The following XPR1 variants were observed in gnomAD, a reference collection of about 807,000 sequenced individuals.
The protein encoded by XPR1 is solute carrier family 53 member 1.
XPR1 carries 28 observed loss-of-function variants against 87.5 expected under a neutral mutation model. The observed-to-expected ratio is 0.32, with a 90% CI of 0.24 to 0.44. The LOEUF is 0.44. Among genes scored for constraint, XPR1 ranks in the 20% least tolerant of loss-of-function variants. The pLI is 1.00. For synonymous variants in XPR1, 300 were observed against 306.1 expected (o/e 0.98, Z 0.21); for missense variants, 559 against 862.3 (o/e 0.65, Z 4.41).
chr1:180,696,268 A>G (rs554629334), intron 2 of XPR1, among the ~76,000 whole-genome samples: 10 of 138,482 alleles, frequency 7.2e-5, no homozygotes, highest in African/African-American at 2.7e-4. Context: ...CTTTCTTTTC[A>G]GTTCATTATT....
chr1:180,677,523 G>A (rs1336469176), intron 1 of XPR1, among the ~76,000 whole-genome samples: 1 of 152,120 alleles, frequency 6.6e-6, no homozygotes, highest in Non-Finnish European at 1.5e-5. Flanking sequence ...TGATCTGGGT[G>A]GTGCCAGCTC....
chr1:180,737,390 CTTTAT>C (rs1658761589), intron 2 of XPR1, among the ~76,000 whole-genome samples: 1 of 151,976 alleles, frequency 6.6e-6, no homozygotes, highest in Admixed American at 6.6e-5. Flanking sequence ...ATTTTCCCTT[CTTTAT>C]TTTATTTTCC....
intron 7 of XPR1, among the ~76,000 whole-genome samples, chr1:180,812,994 C>G (rs1444618431): frequency 6.6e-6 from 1 of 151,610 alleles, no homozygotes; most frequent in Non-Finnish European, 1.5e-5. Flanking sequence ...TGGACTCGGT[C>G]TCCTTGCATC....
chr1:180,883,902 A>T (rs1261440092), intron 14 of XPR1, 104 bp from the exon 15 acceptor site: 2 of 966,018 alleles, frequency 2.1e-6, no homozygotes, highest in Non-Finnish European at 3.2e-6. Context: ...CCTGTTTAGG[A>T]TGTATGTTTA....
chr1:180,723,123 C>T (rs1241785374), intron 2 of XPR1, among the ~76,000 whole-genome samples: 2 of 152,096 alleles, frequency 1.3e-5, no homozygotes, highest in Non-Finnish European at 2.9e-5. Context: ...CTGTCCTCCC[C>T]GTTTCGGCTT....
intron 12 of XPR1, among the ~76,000 whole-genome samples, chr1:180,865,344 G>A (rs968106115): frequency 2.0e-5 from 3 of 151,888 alleles, no homozygotes; most frequent in Middle Eastern, 3.2e-3. Flanking sequence ...CACCAAATAT[G>A]TGTGTTTTAT....
In XPR1 at chr1:180,885,964, G is replaced by C. The variant is rs1652995662; in HGVS notation, c.*1898G>C. The stretch of plus-strand genomic sequence containing the variant: ...AGCTTCCAAAATGTGTTCCCTTTTT[G>C]AATCGAGGTTTTTTTGTTTTGTTTT... On this transcript the variant is annotated 3_prime_UTR_variant, in exon 15 of 15. Transcript: ENST00000367590. 6.6e-6 allele frequency: 1 copy of C among 151,978 alleles called. No homozygotes were observed. The highest frequency in any genetic ancestry group is 2.1e-4 in the South Asian group (1 of 4,822). The allele number at this position is 151,978 out of a possible 1,614,324, so 9.4% of individuals were successfully genotyped here. A position where few individuals can be genotyped will look rare whatever the true frequency, so the allele number is the denominator to read the frequency against.
At chr1:180,766,380 G>A (rs1443004874) in intron 2 of XPR1, among the ~76,000 whole-genome samples, 1 of 152,066 alleles carries the variant, frequency 6.6e-6, no homozygotes, top group African/African-American at 2.4e-5. Context: ...ATGTCATTAA[G>A]GAAAGAAATG....
intron 11 of XPR1, among the ~76,000 whole-genome samples, chr1:180,855,581 C>G (rs528400470): frequency 1.3e-5 from 2 of 150,866 alleles, no homozygotes; most frequent in Non-Finnish European, 2.9e-5. Flanking sequence ...AGAAGAATCA[C>G]TTAACCCAGG....
chr1:180,718,090 T>C (rs1658058197), intron 2 of XPR1, among the ~76,000 whole-genome samples: 1 of 152,160 alleles, frequency 6.6e-6, no homozygotes, highest in Admixed American at 6.5e-5. Flanking sequence ...TAATGCTATG[T>C]ATTAAGTTTT....
intron 2 of XPR1, among the ~76,000 whole-genome samples, chr1:180,688,779 G>GCT (rs1180004238): frequency 6.6e-6 from 1 of 151,994 alleles, no homozygotes; most frequent in African/African-American, 2.4e-5. Flanking sequence ...CTTTTCTCAT[G>GCT]CTCCCCACTC....
chr1:180,747,257 A>T (rs1054838742), intron 2 of XPR1, among the ~76,000 whole-genome samples: 1 of 152,186 alleles, frequency 6.6e-6, no homozygotes, highest in Non-Finnish European at 1.5e-5. Context: ...TTAGCTTCAT[A>T]CGGTTATTGT....
At chr1:180,686,720 A>G (rs1278248316) in intron 2 of XPR1, among the ~76,000 whole-genome samples, 1 of 152,346 alleles carries the variant, frequency 6.6e-6, no homozygotes, top group East Asian at 1.9e-4. Context: ...ATAAGACACC[A>G]AATTCTATGA....
At chr1:180,659,915 T>G (rs188074960) in intron 1 of XPR1, among the ~76,000 whole-genome samples, 1 of 152,212 alleles carries the variant, frequency 6.6e-6, no homozygotes, top group East Asian at 1.9e-4. Context: ...CTTCCTCTAT[T>G]TTTTGGAGTA....
chr1:180,784,731 G>A (rs995495956), intron 2 of XPR1, among the ~76,000 whole-genome samples: 1 of 151,904 alleles, frequency 6.6e-6, no homozygotes, highest in South Asian at 2.1e-4. Context: ...CCCTATTGAT[G>A]TATAATTCAT....
intron 1 of XPR1, among the ~76,000 whole-genome samples, chr1:180,634,262 A>G (rs1654691922): frequency 6.6e-6 from 1 of 152,154 alleles, no homozygotes; most frequent in South Asian, 2.1e-4. Context: ...AAATTCGTTT[A>G]TTGTGGATAA....
rs116383067 is a variant in XPR1 at position 180,673,769 on chromosome 1, C to T, written c.70-8591C>T. 4.3e-3 allele frequency among the ~76,000 whole-genome samples: 650 copies of T among 152,330 alleles called. 10 individuals are homozygous for T. The highest frequency in any genetic ancestry group is 0.015 in the African/African-American group (629 of 41,568). On this transcript the variant is annotated intron_variant, in intron 1 of 14. Transcript: ENST00000367590. ...CCACCCTGGTCTTTGGAATAATTGTCTTCCGTGAAACTAGTCCCTGGAGCC... is the reference window on the plus strand; with the variant it reads ...CCACCCTGGTCTTTGGAATAATTGTTTTCCGTGAAACTAGTCCCTGGAGCC...
chr1:180,843,902 AG>A (rs368527010), intron 11 of XPR1, among the ~76,000 whole-genome samples: 3 of 152,164 alleles, frequency 2.0e-5, no homozygotes, highest in African/African-American at 7.2e-5. Flanking sequence ...AAATTGAGAG[AG>A]GATCTGTGGT....
chr1:180,632,453 C>G (rs1196856289), intron 1 of XPR1, among the ~76,000 whole-genome samples, 183 bp downstream of exon 1: 1 of 152,054 alleles, frequency 6.6e-6, no homozygotes, highest in Non-Finnish European at 1.5e-5. Context: ...GCTGTCCTTC[C>G]CCTCCCCCGC....
Sources: gnomAD v4.1 joint callset for allele counts (sites outside exome capture counted in the v4.1 genomes callset) on GRCh38, gnomAD v4.1.1 for gene constraint, MANE v1.5 for transcripts, NCBI Gene and HGNC (gene_info 2026-07-23, HGNC 2026-07-21) for gene names.